The following GIGYF1 variants were observed in gnomAD, a reference collection of about 807,000 sequenced individuals.
GIGYF1 encodes GRB10 interacting GYF protein 1, also known as GRB10-interacting GYF protein 1.
In GIGYF1, 84 loss-of-function variants were observed where a neutral mutation model predicts 147.1. The observed-to-expected ratio is 0.57, with a 90% confidence interval of 0.48 to 0.68. The LOEUF is 0.68. Among genes scored for constraint, GIGYF1 ranks in the 30% least tolerant of loss-of-function variants. GIGYF1 has a pLI of 0.00. For missense variants in GIGYF1, 1,485 were observed against 1,393.7 expected, an observed-to-expected ratio of 1.07 and a Z score of -1.04; for synonymous variants, 752 against 589.5, an observed-to-expected ratio of 1.28 and a Z score of -3.99.
In GIGYF1 at chr7:100,686,359, C is replaced by A. The variant is rs1474850099; in HGVS notation, c.769G>T (p.Asp257Tyr). Residue 257 changes from aspartate to tyrosine, a missense_variant, in exon 11 of 27, where the codon GAT (aspartate) becomes TAT (tyrosine). Coordinates refer to ENST00000678049, the MANE Select transcript of GIGYF1 (RefSeq NM_001375765.1). ...RRKFEFDLRG[D>Y]RGGCGEEEGR... is the part of the protein sequence containing the mutation. ...TCCTCTTCACCACACCCTCCTCGAT[C>A]CCCTCGCAAATCAAATTCAAACTTG... 4 of 1,611,710 alleles carry A rather than the reference C, an allele frequency of 2.5e-6. No individual in the cohort carries two copies. The Admixed American group carries it at 5.0e-5, about 20-fold the overall frequency.
Position 100,683,016 on chromosome 7 carries a change from C to T in GIGYF1, c.2408G>A (p.Arg803Gln), listed in dbSNP as rs200156528. Reference sequence around the variant, plus strand: ...GGAGGTTCCCGGCCTGCTCACCACTCGGTGGTTGGGGGCCTGGGCCCGAGC... The same window carrying T: ...GGAGGTTCCCGGCCTGCTCACCACTTGGTGGTTGGGGGCCTGGGCCCGAGC... ...EPARAQAPNH[R>Q]VQLGGLGTAP... Residue 803 changes from arginine to glutamine, a missense_variant, in exon 22 of 27, where the codon CGA becomes CAA. Physicochemically the swap from Arg to Gln is conservative, Grantham distance 43. Transcript: ENST00000678049. The T allele has an allele frequency of 3.9e-5, 59 of 1,525,770 alleles. No homozygotes were observed. In the Admixed American group the frequency reaches 5.6e-4, roughly 14 times the overall value. 94.5% of individuals were successfully genotyped at this position (1,525,770 alleles called of 1,614,324 possible).
rs1805529832 is a variant in GIGYF1 at position 100,687,899 on chromosome 7, G to A, written c.166-16C>T. 3 of 1,613,446 alleles carry A rather than the reference G, an allele frequency of 1.9e-6. No homozygotes were observed. The South Asian group carries it at 3.3e-5, about 18-fold the overall frequency. Reference sequence around the variant, plus strand: ...CTTCCGGGACCTGGCAGTGGGTTGGGACAGCCAAGACACCACATGCTGCCA... The same window carrying A: ...CTTCCGGGACCTGGCAGTGGGTTGGAACAGCCAAGACACCACATGCTGCCA... On this transcript the variant is annotated splice_polypyrimidine_tract_variant and intron_variant, in intron 5 of 26. Transcript: ENST00000678049.
At position 100,683,649 on chromosome 7, in the gene GIGYF1, G is replaced by A. The variant is rs778031859; in HGVS notation, c.1970-17C>T. The A allele has an allele frequency of 1.4e-5, 23 of 1,611,038 alleles. No homozygotes were observed. The highest frequency in any genetic ancestry group is 1.8e-5 in the Non-Finnish European group (21 of 1,177,270). ...CCTCACCACCTGCAGGGGGCAGGGGGGCAGAGGCGGCTGCAGGTGGGCACT... is the reference window on the plus strand; with the variant it reads ...CCTCACCACCTGCAGGGGGCAGGGGAGCAGAGGCGGCTGCAGGTGGGCACT... On this transcript the variant is annotated splice_polypyrimidine_tract_variant and intron_variant, in intron 19 of 26. Coordinates refer to ENST00000678049, the MANE Select transcript of GIGYF1 (RefSeq NM_001375765.1).
At position 100,687,854 on chromosome 7, in the gene GIGYF1, G is replaced by A. The variant is rs748189110; in HGVS notation, c.195C>T (p.Phe65=). The A allele has an allele frequency of 1.6e-5, 26 of 1,613,034 alleles. No individual in the cohort carries two copies. Among genetic ancestry groups the A allele is most frequent in the Admixed American group, 5.0e-5 (3 of 59,998 alleles). The change falls in exon 6 of 27, where the codon TTC becomes TTT. Residue 65 remains phenylalanine, a synonymous_variant. Transcript: ENST00000678049. ...GTGGCTCGTCCTGCAGCACCGCGGC[G>A]AACTCCTTGTCCTGCAGCTCTTCCG... ...KVPEELQDKE[F]AAVLQDEPLQ...
rs773659339 is a variant in GIGYF1 at position 100,686,135 on chromosome 7, G to A, written c.948+45C>T. 1.0e-5 allele frequency: 16 copies of A among 1,601,164 alleles called. No individual in the cohort carries two copies. In the African/African-American group the frequency reaches 1.2e-4, roughly 12 times the overall value. On this transcript the variant is annotated intron_variant, in intron 11 of 26. Coordinates refer to ENST00000678049, the MANE Select transcript of GIGYF1 (RefSeq NM_001375765.1). ...CAGCTGGGGTGGGTGGGGAGGAAGAGGACCCCGGAAGGGCAGGTTCCCACC... is the reference window on the plus strand; with the variant it reads ...CAGCTGGGGTGGGTGGGGAGGAAGAAGACCCCGGAAGGGCAGGTTCCCACC...
rs1395921026 is a variant in GIGYF1 at position 100,683,003 on chromosome 7, C to T, written c.2412+9G>A. ...TAGGGGGAGCCCGGGAGGTTCCCGG[C>T]CTGCTCACCACTCGGTGGTTGGGGG... On this transcript the variant is annotated intron_variant, in intron 22 of 26. Coordinates refer to ENST00000678049, the MANE Select transcript of GIGYF1 (RefSeq NM_001375765.1). 4 of 1,502,716 alleles carry T rather than the reference C, an allele frequency of 2.7e-6. No individual in the cohort carries two copies. The highest frequency in any genetic ancestry group is 3.5e-6 in the Non-Finnish European group (4 of 1,128,340). The allele number at this position is 1,502,716 out of a possible 1,614,324, so 93.1% of individuals were successfully genotyped here. A position where few individuals can be genotyped will look rare whatever the true frequency, so the allele number is the denominator to read the frequency against.
At position 100,681,460 on chromosome 7, in the gene GIGYF1, C is replaced by A; in HGVS notation, c.*259G>T. 2.8e-6 allele frequency: 1 copy of A among 353,548 alleles called. No individual in the cohort carries two copies. Among genetic ancestry groups the A allele is most frequent in the Non-Finnish European group, 5.0e-6 (1 of 198,086 alleles). 21.9% of individuals were successfully genotyped at this position (353,548 alleles called of 1,614,324 possible). A position where few individuals can be genotyped will look rare whatever the true frequency, so the allele number is the denominator to read the frequency against. On this transcript the variant is annotated 3_prime_UTR_variant, in exon 27 of 27. Coordinates refer to ENST00000678049, the MANE Select transcript of GIGYF1 (RefSeq NM_001375765.1). ...GGGGTGTTTAGAGTCTAGTTTTTAACAATATTTTTGCCTCTCCTAATGTTT... is the reference window on the plus strand; with the variant it reads ...GGGGTGTTTAGAGTCTAGTTTTTAAAAATATTTTTGCCTCTCCTAATGTTT...
At chr7:100,689,977 G>A (rs1419790712) in intron 1 of GIGYF1, among the ~76,000 whole-genome samples, 1 of 152,190 alleles carries the variant, frequency 6.6e-6, no homozygotes, top group East Asian at 1.9e-4. Flanking sequence ...AGGGGCTGAG[G>A]GGACAGGGAG....
chr7:100,687,756 TC>T, intron 6 of GIGYF1, 31 bp downstream of exon 6: 1 of 1,594,850 alleles, frequency 6.3e-7, no homozygotes, highest in Non-Finnish European at 8.5e-7. Flanking sequence ...CCTCCCAGGC[TC>T]CCGCAGCCTC....
At position 100,684,742 on chromosome 7, in the gene GIGYF1, G is replaced by A. The variant is rs147997111; in HGVS notation, c.1443C>T (p.Asp481=). Residue 481 remains aspartate (D), a synonymous_variant, in exon 15 of 27, where the codon GAC becomes GAT. Transcript: ENST00000678049. ...AGGTACCTTGGATCTCGCCCTGTGGGTCCTTGTAGAACCACTTCCGGGCAG... is the reference window on the plus strand; with the variant it reads ...AGGTACCTTGGATCTCGCCCTGTGGATCCTTGTAGAACCACTTCCGGGCAG... ...HGAARKWFYK[D]PQGEIQGPFT... is the part of the protein sequence containing the mutation. 1.7e-5 allele frequency: 28 copies of A among 1,612,144 alleles called. No homozygotes were observed. The African/African-American group carries it at 3.5e-4, about 20-fold the overall frequency.
At chr7:100,688,334 A>G (rs984359912) in intron 3 of GIGYF1, 27 bp from the exon 4 acceptor site, 2 of 1,077,520 alleles carry the variant, frequency 1.9e-6, no homozygotes, top group Non-Finnish European at 2.8e-6. Flanking sequence ...GCCATGAAGA[A>G]CAGCACACGA....
At chr7:100,687,428 C>T (rs765652080) in intron 7 of GIGYF1, 22 bp from the exon 8 acceptor site, 3 of 1,611,916 alleles carry the variant, frequency 1.9e-6, no homozygotes, top group Non-Finnish European at 2.5e-6. Flanking sequence ...GCCAGACGCA[C>T]AATGAAACCT....
rs1345447447 is a variant in GIGYF1 at position 100,682,165 on chromosome 7, G to A, written c.2832C>T (p.Cys944=). The A allele has an allele frequency of 3.7e-6, 6 of 1,613,972 alleles. No individual in the cohort carries two copies. The highest frequency in any genetic ancestry group is 3.4e-6 in the Non-Finnish European group (4 of 1,179,966). ...CTTTGGCTTCCAGCGTGTCCCCCAG[G>A]CAGGAACGGATATAATCGTGGACAT... ...PYDVHDYIRS[C]LGDTLEAKEF... is the part of the protein sequence containing the mutation. The change falls in exon 25 of 27, where the codon TGC becomes TGT. Residue 944 remains cysteine, a synonymous_variant. Transcript: ENST00000678049.
intron 12 of GIGYF1, 38 bp from the exon 13 acceptor site, chr7:100,685,519 C>G: frequency 6.3e-7 from 1 of 1,584,060 alleles, no homozygotes; most frequent in South Asian, 1.2e-5. Flanking sequence ...GAACCAAGGG[C>G]TGGGCCTGCC....
At position 100,680,289 on chromosome 7, in the gene GIGYF1, A is replaced by C. The variant is rs1443695093; in HGVS notation, c.*1430T>G. Reference sequence around the variant, plus strand: ...CAGGGCAGGAGGGAGAAATACATTCATGGAGGGAGGCAGTGGCGAAGCCTT... The same window carrying C: ...CAGGGCAGGAGGGAGAAATACATTCCTGGAGGGAGGCAGTGGCGAAGCCTT... On this transcript the variant is annotated 3_prime_UTR_variant, in exon 27 of 27. Transcript: ENST00000678049. 6.6e-6 allele frequency: 1 copy of C among 152,544 alleles called. No homozygotes were observed. Among genetic ancestry groups the C allele is most frequent in the African/African-American group, 2.4e-5 (1 of 41,430 alleles). 9.4% of individuals were successfully genotyped at this position (152,544 alleles called of 1,614,324 possible).
chr7:100,688,036 G>A lies in GIGYF1; in HGVS notation c.110C>T (p.Ala37Val). 6.2e-7 allele frequency: 1 copy of A among 1,613,656 alleles called. No individual in the cohort carries two copies. Among genetic ancestry groups the A allele is most frequent in the Non-Finnish European group, 8.5e-7 (1 of 1,179,796 alleles). The change falls in exon 5 of 27, where the codon GCT (alanine) becomes GTT (valine). Residue 37 changes from alanine to valine, a missense_variant. By Grantham distance (64) the Ala-to-Val change is moderately conservative. Coordinates refer to ENST00000678049, the MANE Select transcript of GIGYF1 (RefSeq NM_001375765.1). ...TTCCTCTCGCCCATAACGGTAGTCA[G>A]CCAGCTTGTATTTGGGCATGGCAGG... Reference protein sequence around the residue: ...PSPAMPKYKLADYRYGREEML... With the variant: ...PSPAMPKYKLVDYRYGREEML...
intron 9 of GIGYF1, 41 bp from the exon 10 acceptor site, chr7:100,686,860 C>T (rs1584502688): frequency 8.7e-6 from 14 of 1,601,824 alleles, no homozygotes; most frequent in South Asian, 4.4e-5. Flanking sequence ...AGAAAGGCAG[C>T]GTGGTGCCTG....
At position 100,686,405 on chromosome 7, in the gene GIGYF1, C is replaced by T; in HGVS notation, c.723G>A (p.Arg241=). The part of the protein sequence containing the change: ...PDGGPRSAGW[R]EHGERRRKFE... ...ACTTGCGCCGCCGTTCCCCATGTTC[C>T]CGCCAGCCAGCAGAGCGGGGACCAC... The change falls in exon 11 of 27, where the codon CGG becomes CGA. Residue 241 remains arginine (R), a synonymous_variant. Transcript: ENST00000678049. 1 of 1,608,056 alleles carries T rather than the reference C, an allele frequency of 6.2e-7. No homozygotes were observed. The highest frequency in any genetic ancestry group is 8.5e-7 in the Non-Finnish European group (1 of 1,176,914).
Position 100,685,148 on chromosome 7 carries a change from T to C in GIGYF1, c.1193-2A>G, listed in dbSNP as rs1298726924. On this transcript the variant is annotated splice_acceptor_variant, in intron 13 of 26. Coordinates refer to ENST00000678049, the MANE Select transcript of GIGYF1 (RefSeq NM_001375765.1). LOFTEE classifies it high-confidence loss of function. ...TCAGCTGGATCCCCCGAATATCATC[T>C]GGAAGGCATGAGATAGGAGGTGGAA... 1 of 1,578,368 alleles carries C rather than the reference T, an allele frequency of 6.3e-7. No individual in the cohort carries two copies. The highest frequency in any genetic ancestry group is 8.6e-7 in the Non-Finnish European group (1 of 1,160,342).
Sources: gnomAD v4.1 joint callset for allele counts (sites outside exome capture counted in the v4.1 genomes callset) on GRCh38, gnomAD v4.1.1 for gene constraint, MANE v1.5 for transcripts, NCBI Gene and HGNC (gene_info 2026-07-23, HGNC 2026-07-21) for gene names.